Variants in DNMT3A observed in about 807,000 individuals in gnomAD.
DNMT3A encodes DNA methyltransferase 3 alpha.
A neutral mutation model predicts 117.6 loss-of-function variants in DNMT3A; 267 were observed. The observed-to-expected ratio is 2.27, with a 90% CI of 2.05 to 2.51. The LOEUF is 2.51. Among genes scored for constraint, DNMT3A ranks in the 30% most tolerant of loss-of-function variants. The pLI is 0.00. For missense variants in DNMT3A, 1,029 were observed against 1,260.2 expected (o/e 0.82, Z 2.78); for synonymous variants, 432 against 474.8 (o/e 0.91, Z 1.17).
chr2:25,300,261 GCCTGTGAGGCCAGAGGTGGA>G lies in DNMT3A; in HGVS notation c.73-38_73-19del. 1.2e-6 allele frequency: 2 copies of G among 1,602,266 alleles called. No individual in the cohort carries two copies. Among genetic ancestry groups the G allele is most frequent in the Non-Finnish European group, 1.7e-6 (2 of 1,179,462 alleles). On this transcript the variant is annotated intron_variant, in intron 2 of 22. Coordinates refer to ENST00000321117, the MANE Select transcript of DNMT3A (RefSeq NM_022552.5). ...TCTCCGTCCTGCAGGCACAGACACA[GCCTGTGAGGCCAGAGGTGGA>G]TCCCAGCAGTGTAGCATTCCAGGCC... is the stretch of plus-strand genomic sequence containing the variant.
chr2:25,280,376 G>A (rs2031798939), intron 4 of DNMT3A, among the ~76,000 whole-genome samples: 1 of 140,364 alleles, frequency 7.1e-6, no homozygotes, highest in East Asian at 2.1e-4. Flanking sequence ...GTCTGCCCCA[G>A]CACTTTCCAC....
rs779711186 is a variant in DNMT3A at position 25,282,679 on chromosome 2, C to T, written c.210G>A (p.Ala70=). Residue 70 remains alanine, a synonymous_variant, in exon 4 of 23, where the codon GCG becomes GCA. Transcript: ENST00000321117. The surrounding 1 kb of genome is among the most constrained non-coding windows in gnomAD (Gnocchi z 5.2). ...VESGDTPKDP[A]VISKSPSMAQ... is the part of the protein sequence containing the mutation. ...CCATGGATGGGGACTTGGAGATCACCGCAGGGTCCTTTGGCGTGTCACCGC... is the reference window on the plus strand; with the variant it reads ...CCATGGATGGGGACTTGGAGATCACTGCAGGGTCCTTTGGCGTGTCACCGC... The T allele has an allele frequency of 8.3e-6, 13 of 1,561,534 alleles. No homozygotes were observed. The highest frequency in any genetic ancestry group is 2.7e-5 in the African/African-American group (2 of 72,884).
intron 20 of DNMT3A, among the ~76,000 whole-genome samples, chr2:25,238,412 C>T (rs1673604750): frequency 6.6e-6 from 1 of 152,172 alleles, no homozygotes; most frequent in South Asian, 2.1e-4. Context: ...AGCAGCCCAC[C>T]ATGGAGGTTT....
At chr2:25,314,481 C>T (rs941497967) in intron 1 of DNMT3A, 1 of 984,878 alleles carries the variant, frequency 1.0e-6, no homozygotes, top group Non-Finnish European at 1.2e-6. Flanking sequence ...TTGAAAGCTT[C>T]CCGCATCCTC....
intron 22 of DNMT3A, among the ~76,000 whole-genome samples, chr2:25,235,445 A>G (rs1415455473): frequency 6.6e-6 from 1 of 152,070 alleles, no homozygotes; most frequent in Non-Finnish European, 1.5e-5. Context: ...TCGGCCTCCC[A>G]AAGTGCTGGG....
At chr2:25,243,478 C>G (rs1334529096) in intron 16 of DNMT3A, among the ~76,000 whole-genome samples, 3 of 152,008 alleles carry the variant, frequency 2.0e-5, no homozygotes, top group African/African-American at 7.3e-5. Flanking sequence ...GGACATATGC[C>G]AAAATATTAA....
intron 3 of DNMT3A, among the ~76,000 whole-genome samples, chr2:25,289,637 A>G (rs1349763377): frequency 6.6e-6 from 1 of 152,168 alleles, no homozygotes; most frequent in Non-Finnish European, 1.5e-5. Context: ...CTCTGGGTTG[A>G]GTCTCAGAAA....
Position 25,231,740 on chromosome 2 carries a change from C to T in DNMT3A, c.*2539G>A, listed in dbSNP as rs1484828831. 6.6e-6 allele frequency: 1 copy of T among 152,268 alleles called. No homozygotes were observed. The highest frequency in any genetic ancestry group is 1.9e-4 in the East Asian group (1 of 5,176). The allele number at this position is 152,268 out of a possible 1,614,324, so 9.4% of individuals were successfully genotyped here. On this transcript the variant is annotated 3_prime_UTR_variant, in exon 23 of 23. Transcript: ENST00000321117. ...GGTTGCTAACAGAAGAATCTTTTGA[C>T]ATCACCAGGGGCAAAAGAGATAGAA... is the stretch of plus-strand genomic sequence containing the variant.
At chr2:25,269,030 C>T (rs770867668) in intron 6 of DNMT3A, among the ~76,000 whole-genome samples, 12 of 152,178 alleles carry the variant, frequency 7.9e-5, no homozygotes, top group Non-Finnish European at 1.6e-4. Flanking sequence ...TAATATTAAC[C>T]GTAAGGACAG....
Position 25,281,493 on chromosome 2 carries a change from C to A in DNMT3A, c.448+948G>T. ...TATTCTGGAAATGTTCTCTATCCTGCATGAACATTAGGTTGGATCCATGCA... is the reference window on the plus strand; with the variant it reads ...TATTCTGGAAATGTTCTCTATCCTGAATGAACATTAGGTTGGATCCATGCA... On this transcript the variant is annotated intron_variant, in intron 4 of 22. Transcript: ENST00000321117. This position sits in a 1 kb window ranked among gnomAD's most constrained non-coding sequence, Gnocchi z 4.8. The A allele has an allele frequency of 1.9e-6, 2 of 1,054,926 alleles. No homozygotes were observed. The highest frequency in any genetic ancestry group is 2.3e-6 in the Non-Finnish European group (2 of 872,766). 65.3% of individuals were successfully genotyped at this position (1,054,926 alleles called of 1,614,324 possible).
chr2:25,297,392 TC>T (rs923902236), intron 3 of DNMT3A, among the ~76,000 whole-genome samples: 6 of 151,924 alleles, frequency 3.9e-5, no homozygotes, highest in African/African-American at 1.5e-4. Flanking sequence ...GCGCCCCGCC[TC>T]CCAGGGCTGC....
chr2:25,295,369 C>T (rs572282590), intron 3 of DNMT3A, among the ~76,000 whole-genome samples: 6 of 152,218 alleles, frequency 3.9e-5, no homozygotes, highest in African/African-American at 7.2e-5. Context: ...TTCCTGTTGC[C>T]GGCTCTGACT....
At chr2:25,340,851 GCC>G (rs1457325217) in intron 1 of DNMT3A, among the ~76,000 whole-genome samples, 1 of 140,346 alleles carries the variant, frequency 7.1e-6, no homozygotes, top group Non-Finnish European at 1.6e-5. Context: ...GCGTTTTCCG[GCC>G]CCCGCGGCCC....
chr2:25,246,589 G>C (rs771170185), intron 10 of DNMT3A, 31 bp downstream of exon 10: 1 of 1,593,586 alleles, frequency 6.3e-7, no homozygotes, highest in Non-Finnish European at 8.6e-7. Flanking sequence ...TGGCGGGCAG[G>C]GGTCCCAGAA....
chr2:25,280,688 T>C (rs1418143391), intron 4 of DNMT3A, among the ~76,000 whole-genome samples: 2 of 152,230 alleles, frequency 1.3e-5, no homozygotes, highest in African/African-American at 2.4e-5. Flanking sequence ...GTGAGGTCCT[T>C]GAGGGCAAGA....
At chr2:25,329,498 C>T (rs1014687543) in intron 1 of DNMT3A, among the ~76,000 whole-genome samples, 6 of 152,158 alleles carry the variant, frequency 3.9e-5, no homozygotes, top group African/African-American at 1.4e-4. Flanking sequence ...TCAGACCACA[C>T]TTCAGAGTGG....
chr2:25,279,400 G>A (rs1573413558), intron 4 of DNMT3A, among the ~76,000 whole-genome samples: 5 of 152,316 alleles, frequency 3.3e-5, no homozygotes, highest in African/African-American at 1.2e-4. Flanking sequence ...ATCCTCTCCG[G>A]GGCCTTAGTC....
chr2:25,295,992 A>C (rs1232431476), intron 3 of DNMT3A, among the ~76,000 whole-genome samples: 1 of 152,196 alleles, frequency 6.6e-6, no homozygotes, highest in Admixed American at 6.5e-5. Flanking sequence ...TTAAATTCTC[A>C]GTGCACCAAG....
At chr2:25,264,560 C>G (rs537197135) in intron 6 of DNMT3A, among the ~76,000 whole-genome samples, 3 of 152,054 alleles carry the variant, frequency 2.0e-5, no homozygotes, top group African/African-American at 7.2e-5. Context: ...CTCCGCCTCC[C>G]GGGTTCACGC....
Sources: gnomAD v4.1 joint callset for allele counts (sites outside exome capture counted in the v4.1 genomes callset) on GRCh38, gnomAD v4.1.1 for gene constraint, Gnocchi (gnomAD v3.1) non-coding constraint, MANE v1.5 for transcripts, NCBI Gene and HGNC (gene_info 2026-07-23, HGNC 2026-07-21) for gene names.